VPS13A: variants seen among roughly 807,000 people sequenced by gnomAD.
VPS13A encodes the protein intermembrane lipid transfer protein VPS13A.
VPS13A carries 264 observed loss-of-function variants against 390.9 expected under a neutral mutation model. The ratio of observed to expected loss-of-function variants is 0.68; its 90% CI spans 0.61 to 0.75. The LOEUF (loss-of-function observed/expected upper bound fraction) is 0.75. Among genes scored for constraint, VPS13A ranks in the 30% least tolerant of loss-of-function variants. The pLI, the probability that VPS13A is intolerant of heterozygous loss-of-function variation, is 0.00. For synonymous variants in VPS13A, 1,231 were observed against 1,227.1 expected, an observed-to-expected ratio of 1.00 and a Z score of -0.07; for missense variants, 3,409 against 3,733.9, an observed-to-expected ratio of 0.91 and a Z score of 2.27.
rs1835254770 is a variant in VPS13A at position 77,418,846 on chromosome 9, A to T, written c.*2840A>T. The T allele has an allele frequency of 6.6e-6, 1 of 152,220 alleles. No individual in the cohort carries two copies. The highest frequency in any genetic ancestry group is 1.5e-5 in the Non-Finnish European group (1 of 68,032). The allele number at this position is 152,220 out of a possible 1,614,324, so 9.4% of individuals were successfully genotyped here. A position where few individuals can be genotyped will look rare whatever the true frequency, so the allele number is the denominator to read the frequency against. The stretch of plus-strand genomic sequence containing the variant: ...TATGCACCTAGCTCATCTCTTAGAA[A>T]CATCCCACATAGTAGCATCGTATTA... On this transcript the variant is annotated 3_prime_UTR_variant, in exon 72 of 72. Transcript: ENST00000360280.
chr9:77,292,142 G>T (rs1827707118), intron 31 of VPS13A, among the ~76,000 whole-genome samples: 2 of 151,868 alleles, frequency 1.3e-5, no homozygotes, highest in African/African-American at 4.8e-5. Context: ...CCTTTTCCAG[G>T]GTCATACCAA....
intron 54 of VPS13A, among the ~76,000 whole-genome samples, chr9:77,356,251 A>G (rs1309490710): frequency 6.6e-6 from 1 of 152,040 alleles, no homozygotes; most frequent in Non-Finnish European, 1.5e-5. Flanking sequence ...TCTGCTGGAT[A>G]ATTCTCTCAG....
chr9:77,363,404 A>ATTTTTTTTTTTT (rs61370510), intron 59 of VPS13A, among the ~76,000 whole-genome samples: 8 of 78,344 alleles, frequency 1.0e-4, no homozygotes, highest in South Asian at 4.8e-4. Context: ...TTTTTTTTTT[A>ATTTTTTTTTTTT]TTTTTTTTTT....
intron 68 of VPS13A, among the ~76,000 whole-genome samples, chr9:77,393,511 CA>C (rs1193973944): frequency 6.6e-6 from 1 of 152,216 alleles, no homozygotes; most frequent in Non-Finnish European, 1.5e-5. Flanking sequence ...CTCCCTGTGG[CA>C]GCCCAACAAA....
intron 32 of VPS13A, 35 bp downstream of exon 32, chr9:77,293,543 C>T: frequency 8.1e-7 from 1 of 1,229,760 alleles, no homozygotes; most frequent in East Asian, 2.9e-5. Flanking sequence ...TTATTTTATA[C>T]TAATTGGAAA....
chr9:77,244,872 A>G (rs1824713452), intron 19 of VPS13A, among the ~76,000 whole-genome samples: 1 of 152,040 alleles, frequency 6.6e-6, no homozygotes, highest in South Asian at 2.1e-4. Context: ...CTGAAAATTC[A>G]ACATTAAGAT....
rs867503374 is a variant in VPS13A, at chr9:77,399,194, A to T, written c.9190-4042A>T. On this transcript the variant is annotated intron_variant, in intron 68 of 71. Coordinates refer to ENST00000360280, the MANE Select transcript of VPS13A (RefSeq NM_033305.3). ...AAAAAAAAAAAATAAAAAAAAAAAA[A>T]AAAAAAAAAAACAAAGGATACGGTT... Among the ~76,000 whole-genome samples, 813 of 127,738 alleles carry T rather than the reference A, an allele frequency of 6.4e-3. 10 individuals carry two copies. Among genetic ancestry groups the T allele is most frequent in the African/African-American group, 0.025 (755 of 30,166 alleles). 83.8% of individuals were successfully genotyped at this position (127,738 alleles called of 152,430 possible). A position where few individuals can be genotyped will look rare whatever the true frequency, so the allele number is the denominator to read the frequency against.
chr9:77,321,439 G>A (rs868423406), intron 43 of VPS13A, 52 bp from the exon 44 acceptor site: 10 of 1,604,650 alleles, frequency 6.2e-6, no homozygotes, highest in Middle Eastern at 1.8e-4. Context: ...TGTTCTCCTT[G>A]TCATTTAATT....
chr9:77,267,308 C>T (rs1826090593), intron 23 of VPS13A, among the ~76,000 whole-genome samples: 1 of 152,116 alleles, frequency 6.6e-6, no homozygotes, highest in Non-Finnish European at 1.5e-5. Context: ...GATTTATCTA[C>T]CTTGAGTCTT....
chr9:77,323,469 A>AT (rs1171993825), intron 45 of VPS13A, among the ~76,000 whole-genome samples: 1 of 152,014 alleles, frequency 6.6e-6, no homozygotes, highest in East Asian at 1.9e-4. Context: ...TTCTTACGGT[A>AT]TTTTTTATAA....
At chr9:77,351,493 AG>A (rs1392025036) in intron 53 of VPS13A, 47 bp downstream of exon 53, 1 of 1,603,520 alleles carries the variant, frequency 6.2e-7, no homozygotes. Context: ...TTTTTAAAAA[AG>A]GTATTTGGGC....
chr9:77,343,098 C>A (rs1394836919), intron 50 of VPS13A, among the ~76,000 whole-genome samples: 1 of 152,016 alleles, frequency 6.6e-6, no homozygotes, highest in Admixed American at 6.5e-5. Context: ...GCTCCCTTTC[C>A]CCCGATAAAG....
chr9:77,294,871 T>A (rs1013521697), intron 32 of VPS13A, among the ~76,000 whole-genome samples: 2 of 152,090 alleles, frequency 1.3e-5, no homozygotes, highest in African/African-American at 4.8e-5. Context: ...GCTAATTTTT[T>A]ATTTTTAATT....
At chr9:77,315,596 T>A in intron 38 of VPS13A, 126 bp downstream of exon 38, 2 of 993,530 alleles carry the variant, frequency 2.0e-6, no homozygotes, top group Non-Finnish European at 3.0e-6. Context: ...TTTTTCAGAG[T>A]AGAAGGAAAA....
intron 24 of VPS13A, among the ~76,000 whole-genome samples, chr9:77,273,619 G>T (rs1826479409): frequency 6.6e-6 from 1 of 152,100 alleles, no homozygotes; most frequent in African/African-American, 2.4e-5. Flanking sequence ...TAAAATTTGG[G>T]TTTATATACC....
At chr9:77,324,667 G>A (rs186746337) in intron 45 of VPS13A, among the ~76,000 whole-genome samples, 4 of 152,230 alleles carry the variant, frequency 2.6e-5, no homozygotes, top group Admixed American at 1.3e-4. Flanking sequence ...TATTGGTCTA[G>A]AGTTTCAATG....
chr9:77,390,596 A>G (rs951618796), intron 68 of VPS13A, among the ~76,000 whole-genome samples: 9 of 150,460 alleles, frequency 6.0e-5, no homozygotes, highest in Non-Finnish European at 1.3e-4. Flanking sequence ...TTTTTCTTTC[A>G]TCTCAAGTGT....
At chr9:77,179,993 C>T (rs1823910574) in intron 1 of VPS13A, among the ~76,000 whole-genome samples, 1 of 152,046 alleles carries the variant, frequency 6.6e-6, no homozygotes, top group Non-Finnish European at 1.5e-5. Flanking sequence ...CTTCTTTAAC[C>T]TAATGTATTT....
In VPS13A at chr9:77,295,683, G is replaced by A. The variant is rs531511161; in HGVS notation, c.3649G>A (p.Val1217Ile). 4.3e-6 allele frequency: 7 copies of A among 1,614,046 alleles called. No individual in the cohort carries two copies. In the South Asian group the frequency reaches 7.7e-5, roughly 18 times the overall value. ...MALDINIKAP[V>I]VVIPQSPVSE... is the part of the protein sequence containing the mutation. ...ACTGGATATTAACATCAAAGCCCCAGTTGTGGTCATCCCGCAGTCTCCAGT... is the reference window on the plus strand; with the variant it reads ...ACTGGATATTAACATCAAAGCCCCAATTGTGGTCATCCCGCAGTCTCCAGT... Residue 1217 changes from valine (V) to isoleucine (I), a missense_variant, in exon 33 of 72, where the codon GTT (valine) becomes ATT (isoleucine). This residue lies in a region of VPS13A where 2,717 missense variants were observed against 2,917.4 expected (regional missense o/e 0.93). Coordinates refer to ENST00000360280, the MANE Select transcript of VPS13A (RefSeq NM_033305.3).
Sources: allele counts gnomAD v4.1 joint callset (sites outside exome capture counted in the v4.1 genomes callset), GRCh38; gene constraint gnomAD v4.1.1; regional missense constraint gnomAD v4.1.1; transcripts MANE v1.5; gene names NCBI Gene and HGNC (gene_info 2026-07-23, HGNC 2026-07-21).